Variants in XKR4 observed in about 807,000 individuals in gnomAD.
The protein encoded by XKR4 is XK-related protein 4.
XKR4 carries 12 observed loss-of-function variants against 53.9 expected under a neutral mutation model. That is an observed-to-expected ratio of 0.22 (90% CI 0.14 to 0.36). XKR4 has a LOEUF of 0.36. Ranked by LOEUF, XKR4 falls within the 10% of genes least tolerant of loss-of-function variation. The pLI, the probability that XKR4 is intolerant of heterozygous loss-of-function variation, is 1.00. For synonymous variants in XKR4, 354 were observed against 362.4 expected (o/e 0.98, Z 0.26); for missense variants, 799 against 859.5 (o/e 0.93, Z 0.88).
At chr8:55,193,070 C>T (rs1406382197) in intron 1 of XKR4, among the ~76,000 whole-genome samples, 13 of 151,958 alleles carry the variant, frequency 8.6e-5, no homozygotes, top group East Asian at 3.9e-4. Context: ...TGGGAGTGTC[C>T]GTATCACAGG....
chr8:55,405,013 TG>T (rs1804663328), intron 2 of XKR4, among the ~76,000 whole-genome samples: 1 of 152,194 alleles, frequency 6.6e-6, no homozygotes, highest in South Asian at 2.1e-4. Context: ...ACGAAAAAAA[TG>T]TCTGGTACAA....
intron 1 of XKR4, among the ~76,000 whole-genome samples, chr8:55,139,048 T>A (rs1585898890): frequency 6.6e-6 from 1 of 152,348 alleles, no homozygotes; most frequent in South Asian, 2.1e-4. Flanking sequence ...AGTGAAAGTG[T>A]ACATGGTACC....
chr8:55,428,047 A>G (rs907146151), intron 2 of XKR4, among the ~76,000 whole-genome samples: 2 of 152,224 alleles, frequency 1.3e-5, no homozygotes, highest in Non-Finnish European at 2.9e-5. Flanking sequence ...TTTTCAGTCT[A>G]TGGGAACTGG....
chr8:55,366,618 G>C (rs540756502), intron 2 of XKR4, among the ~76,000 whole-genome samples: 3 of 152,098 alleles, frequency 2.0e-5, no homozygotes, highest in African/African-American at 7.2e-5. Context: ...TATTCCAATG[G>C]TCTGACTCCA....
intron 1 of XKR4, among the ~76,000 whole-genome samples, chr8:55,176,186 A>G (rs1817232033): frequency 6.6e-6 from 1 of 152,240 alleles, no homozygotes; most frequent in African/African-American, 2.4e-5. Context: ...TAATATTTAT[A>G]TCTGGCATGT....
At chr8:55,497,848 T>C (rs1417607019) in intron 2 of XKR4, among the ~76,000 whole-genome samples, 1 of 152,118 alleles carries the variant, frequency 6.6e-6, no homozygotes, top group Non-Finnish European at 1.5e-5. Flanking sequence ...CAAGAGCCCC[T>C]AATACCTTCC....
chr8:55,536,954 TTAAG>T lies in XKR4; in HGVS notation c.*12729_*12732del, dbSNP rs1807039712. Reference sequence around the variant, plus strand: ...ATGGCTCAAGGGAAATACAAGTTTCTTAAGTTTTTATTCTTCAAATAGAAGTTTT... The same window carrying T: ...ATGGCTCAAGGGAAATACAAGTTTCTTTTTTATTCTTCAAATAGAAGTTTT... On this transcript the variant is annotated 3_prime_UTR_variant, in exon 3 of 3. Coordinates refer to ENST00000327381, the MANE Select transcript of XKR4 (RefSeq NM_052898.2). 1.3e-5 allele frequency: 2 copies of T among 152,260 alleles called. No homozygotes were observed. Among genetic ancestry groups the T allele is most frequent in the African/African-American group, 4.8e-5 (2 of 41,470 alleles). 9.4% of individuals were successfully genotyped at this position (152,260 alleles called of 1,614,324 possible).
At chr8:55,261,580 A>G (rs2129371191) in intron 1 of XKR4, among the ~76,000 whole-genome samples, 1 of 152,338 alleles carries the variant, frequency 6.6e-6, no homozygotes, top group Admixed American at 6.5e-5. Flanking sequence ...GATTTTCAAA[A>G]TTGATGGAAG....
At chr8:55,219,500 A>G (rs953448156) in intron 1 of XKR4, among the ~76,000 whole-genome samples, 1 of 152,162 alleles carries the variant, frequency 6.6e-6, no homozygotes, top group Non-Finnish European at 1.5e-5. Flanking sequence ...TGATCTGCTT[A>G]CCAAGGGGCT....
intron 1 of XKR4, among the ~76,000 whole-genome samples, chr8:55,108,338 T>A (rs768571198): frequency 6.6e-6 from 1 of 151,802 alleles, no homozygotes; most frequent in Non-Finnish European, 1.5e-5. Context: ...CATGAAGGAG[T>A]CATGAAGGAT....
intron 2 of XKR4, among the ~76,000 whole-genome samples, chr8:55,436,789 G>T (rs1228990573): frequency 6.6e-6 from 1 of 152,178 alleles, no homozygotes; most frequent in Non-Finnish European, 1.5e-5. Context: ...CAAAGCCAAA[G>T]TGTTGGACTT....
chr8:55,247,867 T>TCTTTCTTTC (rs1368785247), intron 1 of XKR4, among the ~76,000 whole-genome samples: 1 of 26,336 alleles, frequency 3.8e-5, no homozygotes, highest in African/African-American at 5.5e-5. Flanking sequence ...TTTTTTTTTT[T>TCTTTCTTTC]TTTTTTTGAG....
At chr8:55,112,943 C>T (rs1816253298) in intron 1 of XKR4, among the ~76,000 whole-genome samples, 1 of 151,934 alleles carries the variant, frequency 6.6e-6, no homozygotes, top group South Asian at 2.1e-4. Flanking sequence ...TTTTGTATTT[C>T]CAGGAAATCT....
rs376331392 is a variant in XKR4, at chr8:55,409,054, CA to C, written c.1006+51178del. Among the ~76,000 whole-genome samples the C allele has an allele frequency of 6.0e-5, 9 of 149,870 alleles. No individual in the cohort carries two copies. In the East Asian group the frequency reaches 1.8e-3, roughly 29 times the overall value. ...GCCACAGCACCAGGAGGGGAGTGGA[CA>C]GGGGTCCAGGAGGCTCTGGTGTCTA... On this transcript the variant is annotated intron_variant, in intron 2 of 2. Coordinates refer to ENST00000327381, the MANE Select transcript of XKR4 (RefSeq NM_052898.2).
At chr8:55,149,388 G>T (rs1005099787) in intron 1 of XKR4, among the ~76,000 whole-genome samples, 1 of 152,132 alleles carries the variant, frequency 6.6e-6, no homozygotes, top group Non-Finnish European at 1.5e-5. Context: ...CTGAAGGGAG[G>T]TCGGGGTGGG....
At chr8:55,351,427 C>T (rs569042236) in intron 1 of XKR4, among the ~76,000 whole-genome samples, 1 of 152,156 alleles carries the variant, frequency 6.6e-6, no homozygotes, top group African/African-American at 2.4e-5. Context: ...TCTCATTGTA[C>T]CAGAAGAGTT....
At position 55,525,960 on chromosome 8, in the gene XKR4, T is replaced by C. The variant is rs1806876977; in HGVS notation, c.*1733T>C. On this transcript the variant is annotated 3_prime_UTR_variant, in exon 3 of 3. Coordinates refer to ENST00000327381, the MANE Select transcript of XKR4 (RefSeq NM_052898.2). ...CCAGGGGTGCTATCAGAATATCAGG[T>C]GAAGAGAGAATCAGCTTAAATAGAA... The C allele has an allele frequency of 1.3e-5, 2 of 152,474 alleles. No homozygotes were observed. 9.4% of individuals were successfully genotyped at this position (152,474 alleles called of 1,614,324 possible). A position where few individuals can be genotyped will look rare whatever the true frequency, so the allele number is the denominator to read the frequency against.
chr8:55,525,651 TA>T lies in XKR4; in HGVS notation c.*1428del, dbSNP rs1313619610. ...TCGGTCATGGTGCTTTTCGTTGCAT[TA>T]AAAGTGCCGGTCAAACTTTGATAGT... On this transcript the variant is annotated 3_prime_UTR_variant, in exon 3 of 3. Transcript: ENST00000327381. The T allele has an allele frequency of 6.6e-6, 1 of 152,652 alleles. No homozygotes were observed. Among genetic ancestry groups the T allele is most frequent in the African/African-American group, 2.4e-5 (1 of 41,458 alleles). The allele number at this position is 152,652 out of a possible 1,614,324, so 9.5% of individuals were successfully genotyped here. A position where few individuals can be genotyped will look rare whatever the true frequency, so the allele number is the denominator to read the frequency against.
intron 2 of XKR4, among the ~76,000 whole-genome samples, chr8:55,368,683 C>G (rs551293573): frequency 6.6e-6 from 1 of 152,204 alleles, no homozygotes; most frequent in Admixed American, 6.5e-5. Flanking sequence ...TTCTCATCAC[C>G]TTTACTAGAG....
Sources: gnomAD v4.1 joint callset for allele counts (sites outside exome capture counted in the v4.1 genomes callset) on GRCh38, gnomAD v4.1.1 for gene constraint, MANE v1.5 for transcripts, NCBI Gene and HGNC (gene_info 2026-07-23, HGNC 2026-07-21) for gene names.